The following ZNF529 variants were observed in gnomAD, a reference collection of about 807,000 sequenced individuals.
ZNF529 encodes the protein zinc finger protein 529.
In ZNF529, 11 loss-of-function variants were observed where a neutral mutation model predicts 10.1. That is an observed-to-expected ratio of 1.09 (90% confidence interval 0.69 to 1.81). The LOEUF (loss-of-function observed/expected upper bound fraction) is 1.81, where lower values mean the gene tolerates loss of function less well. Among genes scored for constraint, ZNF529 ranks in the 40% most tolerant of loss-of-function variants. The pLI is 0.00. For synonymous variants in ZNF529, 204 were observed against 215.7 expected (o/e 0.95, Z 0.47); for missense variants, 624 against 666.8 (o/e 0.94, Z 0.71).
rs1177800162 is a variant in ZNF529, at chr19:36,544,017, G to A, written c.*2849C>T. ...TCAAGGACATATAAAATTTAATGGT[G>A]CAGGACAGCAGAAAACAGGATGAGA... On this transcript the variant is annotated 3_prime_UTR_variant, in exon 5 of 5. Transcript: ENST00000591340. 6.6e-6 allele frequency: 1 copy of A among 151,976 alleles called. No homozygotes were observed. The highest frequency in any genetic ancestry group is 2.4e-5 in the African/African-American group (1 of 41,368). The allele number at this position is 151,976 out of a possible 1,614,324, so 9.4% of individuals were successfully genotyped here. A position where few individuals can be genotyped will look rare whatever the true frequency, so the allele number is the denominator to read the frequency against.
At chr19:36,581,500 C>T (rs1248615426) in intron 2 of ZNF529, 1 of 152,148 alleles carries the variant, frequency 6.6e-6, no homozygotes. Flanking sequence ...AATGGATAAA[C>T]AAAATGTGGT....
chr19:36,600,285 C>T (rs1222280539), intron 1 of ZNF529, among the ~76,000 whole-genome samples: 1 of 152,180 alleles, frequency 6.6e-6, no homozygotes. Context: ...TGAATAAATA[C>T]TGTTTGGGCC....
At chr19:36,558,436 A>G (rs2035561344) in intron 2 of ZNF529, among the ~76,000 whole-genome samples, 1 of 152,120 alleles carries the variant, frequency 6.6e-6, no homozygotes, top group East Asian at 1.9e-4. Flanking sequence ...CAGTAAAAGG[A>G]AACTGCAGGC....
chr19:36,565,614 T>C (rs767406514), intron 2 of ZNF529, among the ~76,000 whole-genome samples: 3 of 152,036 alleles, frequency 2.0e-5, no homozygotes, highest in Non-Finnish European at 4.4e-5. Flanking sequence ...TGTAGGAGAA[T>C]TGCTTGACCC....
In ZNF529 at chr19:36,545,057, C is replaced by G. The variant is rs2034959608; in HGVS notation, c.*1809G>C. 1 of 151,916 alleles carries G rather than the reference C, an allele frequency of 6.6e-6. No homozygotes were observed. The highest frequency in any genetic ancestry group is 2.1e-4 in the South Asian group (1 of 4,826). The allele number at this position is 151,916 out of a possible 1,614,324, so 9.4% of individuals were successfully genotyped here. ...TGGCCAACGTGGTGAAACTCCATAT[C>G]TACTAAAATACAATTAGCTGGGCAT... is the stretch of plus-strand genomic sequence containing the variant. On this transcript the variant is annotated 3_prime_UTR_variant, in exon 5 of 5. Transcript: ENST00000591340.
At chr19:36,572,468 A>G in intron 1 of ZNF529, 76 bp from the exon 2 acceptor site, 1 of 1,180,652 alleles carries the variant, frequency 8.5e-7, no homozygotes, top group Non-Finnish European at 1.2e-6. Context: ...CACCACCAGA[A>G]AAGCCCATCA....
At chr19:36,560,632 C>T (rs560498347) in intron 2 of ZNF529, among the ~76,000 whole-genome samples, 21 of 151,946 alleles carry the variant, frequency 1.4e-4, no homozygotes, top group Admixed American at 4.6e-4. Context: ...ATTACAACAA[C>T]GATTGGTTGA....
At chr19:36,571,615 C>A (rs796504105) in intron 2 of ZNF529, among the ~76,000 whole-genome samples, 5 of 148,526 alleles carry the variant, frequency 3.4e-5, no homozygotes, top group African/African-American at 1.2e-4. Context: ...GCAGAGGTTG[C>A]AGTGAACTGA....
rs915251009 is a variant in ZNF529 at position 36,543,820 on chromosome 19, C to T, written c.*3046G>A. 3 of 151,890 alleles carry T rather than the reference C, an allele frequency of 2.0e-5. No homozygotes were observed. Among genetic ancestry groups the T allele is most frequent in the African/African-American group, 7.3e-5 (3 of 41,348 alleles). 9.4% of individuals were successfully genotyped at this position (151,890 alleles called of 1,614,324 possible). A position where few individuals can be genotyped will look rare whatever the true frequency, so the allele number is the denominator to read the frequency against. On this transcript the variant is annotated 3_prime_UTR_variant, in exon 5 of 5. Transcript: ENST00000591340. ...CAAATTAGAATCACATTCTTATGTC[C>T]TCATTGCCCTATGTCCAAATACAAT...
At chr19:36,566,379 C>T (rs1267866912) in intron 2 of ZNF529, among the ~76,000 whole-genome samples, 1 of 152,104 alleles carries the variant, frequency 6.6e-6, no homozygotes, top group African/African-American at 2.4e-5. Flanking sequence ...TGGTACAGTA[C>T]AATAAGTTAA....
intron 2 of ZNF529, among the ~76,000 whole-genome samples, chr19:36,566,451 G>A (rs1246614380): frequency 6.6e-6 from 1 of 152,162 alleles, no homozygotes. Context: ...CTTTTGGGAA[G>A]CTGAGGCAGG....
intron 2 of ZNF529, among the ~76,000 whole-genome samples, chr19:36,572,091 T>TA (rs915863019): frequency 2.7e-5 from 4 of 148,990 alleles, no homozygotes; most frequent in South Asian, 4.4e-4. Context: ...AATTACATTC[T>TA]AAAAAAAAGT....
chr19:36,554,708 T>C lies in ZNF529; in HGVS notation c.197A>G (p.Asp66Gly). ...LDSAQRNLYW[D>G]VMMENYSNLL... ...GTTGCTGTAGTTCTCCATCATCACATCCCAGTACAAGTTCCTCTGAGCAGA... is the reference window on the plus strand; with the variant it reads ...GTTGCTGTAGTTCTCCATCATCACACCCCAGTACAAGTTCCTCTGAGCAGA... Residue 66 changes from aspartate to glycine, a missense_variant, in exon 4 of 5, where the codon GAT becomes GGT. By Grantham distance (94) the Asp-to-Gly change is moderately conservative. Transcript: ENST00000591340. 6.3e-7 allele frequency: 1 copy of C among 1,575,498 alleles called. No individual in the cohort carries two copies. The highest frequency in any genetic ancestry group is 8.6e-7 in the Non-Finnish European group (1 of 1,159,416).
intron 1 of ZNF529, among the ~76,000 whole-genome samples, chr19:36,595,928 C>A (rs990513667): frequency 4.6e-5 from 7 of 151,798 alleles, no homozygotes; most frequent in African/African-American, 1.7e-4. Flanking sequence ...GTCGTTTGCT[C>A]ACCTCCATCA....
chr19:36,593,788 C>G (rs1190960667), intron 1 of ZNF529: 1 of 152,104 alleles, frequency 6.6e-6, no homozygotes, highest in East Asian at 1.9e-4. Context: ...TTCACCAAAA[C>G]CATGGCTAAA....
intron 1 of ZNF529, among the ~76,000 whole-genome samples, chr19:36,601,816 G>T (rs1261041312): frequency 6.6e-6 from 1 of 151,994 alleles, no homozygotes; most frequent in Non-Finnish European, 1.5e-5. Context: ...TAGAATAGGG[G>T]TTGGCAAACT....
At chr19:36,584,435 C>T (rs890462866) in intron 2 of ZNF529, among the ~76,000 whole-genome samples, 2 of 151,910 alleles carry the variant, frequency 1.3e-5, no homozygotes, top group East Asian at 1.9e-4. Flanking sequence ...TTACTTTTTA[C>T]GGAATTTCAA....
chr19:36,551,442 C>A (rs563886681), intron 4 of ZNF529, among the ~76,000 whole-genome samples: 1 of 152,140 alleles, frequency 6.6e-6, no homozygotes, highest in African/African-American at 2.4e-5. Flanking sequence ...AGCTGGACAT[C>A]AAAAATCAGA....
chr19:36,586,333 G>A (rs2036579185), intron 2 of ZNF529, among the ~76,000 whole-genome samples: 3 of 152,120 alleles, frequency 2.0e-5, no homozygotes, highest in Admixed American at 6.5e-5. Context: ...GTTGCCGGGC[G>A]CGGTGGCTCA....
Sources: allele counts gnomAD v4.1 joint callset (sites outside exome capture counted in the v4.1 genomes callset), GRCh38; gene constraint gnomAD v4.1.1; transcripts MANE v1.5; gene names NCBI Gene and HGNC (gene_info 2026-07-23, HGNC 2026-07-21).